The following SLC7A5 variants were observed in gnomAD, a reference collection of about 807,000 sequenced individuals.
SLC7A5 encodes solute carrier family 7 member 5.
Under a neutral mutation model 50.2 loss-of-function variants are expected in SLC7A5, and 23 were observed. The ratio of observed to expected loss-of-function variants is 0.46; its 90% CI spans 0.33 to 0.65. The LOEUF is 0.65. Ranked by LOEUF, SLC7A5 falls within the 30% of genes least tolerant of loss-of-function variation. SLC7A5 has a pLI of 0.02. For synonymous variants in SLC7A5, 393 were observed against 330.6 expected (o/e 1.19, Z -2.05); for missense variants, 578 against 684.4 (o/e 0.84, Z 1.73).
chr16:87,851,927 C>G, intron 1 of SLC7A5, 78 bp from the exon 2 acceptor site: 4 of 1,566,610 alleles, frequency 2.6e-6, no homozygotes, highest in Non-Finnish European at 3.5e-6. Flanking sequence ...GGTGACGACC[C>G]CACCCCCACC....
intron 2 of SLC7A5, among the ~76,000 whole-genome samples, chr16:87,849,434 C>T (rs1016774987): frequency 2.6e-5 from 4 of 152,208 alleles, no homozygotes; most frequent in African/African-American, 4.8e-5. Context: ...CAACAGCTAA[C>T]GGAATTATAA....
Position 87,869,430 on chromosome 16 carries a change from G to T in SLC7A5, c.-8C>A, listed in dbSNP as rs568719637. On this transcript the variant is annotated 5_prime_UTR_variant, in exon 1 of 10. Transcript: ENST00000261622. ...CGGGCCCGCACCCGCCATGCTCTGCGCACCGGCCGGGCCTGGGACACCCGG... is the reference window on the plus strand; with the variant it reads ...CGGGCCCGCACCCGCCATGCTCTGCTCACCGGCCGGGCCTGGGACACCCGG... 1.6e-5 allele frequency: 23 copies of T among 1,450,842 alleles called. No homozygotes were observed. In the East Asian group the frequency reaches 2.9e-4, roughly 18 times the overall value. 89.9% of individuals were successfully genotyped at this position (1,450,842 alleles called of 1,614,324 possible).
At position 87,852,931 on chromosome 16, in the gene SLC7A5, G is replaced by A. The variant is rs779233473; in HGVS notation, c.539-1082C>T. On this transcript the variant is annotated intron_variant, in intron 1 of 9. Coordinates refer to ENST00000261622, the MANE Select transcript of SLC7A5 (RefSeq NM_003486.7). This position sits in a 1 kb window ranked among gnomAD's most constrained non-coding sequence, Gnocchi z 4.5. ...CACTACCCTTCACTCCTCTGCTCAC[G>A]AGGTTATCTGTCGCTGTCAGCAGCT... Among the ~76,000 whole-genome samples the A allele has an allele frequency of 2.6e-5, 4 of 152,130 alleles. No individual in the cohort carries two copies. Among genetic ancestry groups the A allele is most frequent in the African/African-American group, 7.2e-5 (3 of 41,416 alleles).
chr16:87,838,974 G>T (rs1281645935), intron 5 of SLC7A5, among the ~76,000 whole-genome samples, 157 bp from the exon 6 acceptor site: 1 of 152,212 alleles, frequency 6.6e-6, no homozygotes, highest in African/African-American at 2.4e-5. Context: ...CCTCTGGGGG[G>T]ACTTCCCAGG....
chr16:87,843,347 CTTTTTTTTTTTTTTTTTTT>C lies in SLC7A5; in HGVS notation c.665-2211_665-2193del, dbSNP rs60307560. Among the ~76,000 whole-genome samples the C allele has an allele frequency of 9.9e-4, 63 of 63,322 alleles. 1 individual carries two copies. The highest frequency in any genetic ancestry group is 0.011 in the Middle Eastern group (1 of 90). The allele number at this position is 63,322 out of a possible 152,430, so 41.5% of individuals were successfully genotyped here. On this transcript the variant is annotated intron_variant, in intron 2 of 9. Coordinates refer to ENST00000261622, the MANE Select transcript of SLC7A5 (RefSeq NM_003486.7). ...ATTGGCAGCCCTAAGGCCTGAGTAA[CTTTTTTTTTTTTTTTTTTT>C]TTTTTTTTTTTTTTTTTTTTGAGAC...
Position 87,860,749 on chromosome 16 carries a change from G to C in SLC7A5, c.538+8136C>G, listed in dbSNP as rs1490541815. On this transcript the variant is annotated intron_variant, in intron 1 of 9. Transcript: ENST00000261622. This position sits in a 1 kb window ranked among gnomAD's most constrained non-coding sequence, Gnocchi z 4.8. ...ACCCCGAGGTCAGGATGACTCAGCAGGGATCGAGTTTGCGGGCGTCACGCT... is the reference window on the plus strand; with the variant it reads ...ACCCCGAGGTCAGGATGACTCAGCACGGATCGAGTTTGCGGGCGTCACGCT... Among the ~76,000 whole-genome samples, 1 of 152,234 alleles carries C rather than the reference G, an allele frequency of 6.6e-6. No homozygotes were observed. The highest frequency in any genetic ancestry group is 1.9e-4 in the East Asian group (1 of 5,190).
chr16:87,861,262 G>A lies in SLC7A5; in HGVS notation c.538+7623C>T, dbSNP rs2143824831. Among the ~76,000 whole-genome samples, 1 of 152,290 alleles carries A rather than the reference G, an allele frequency of 6.6e-6. No individual in the cohort carries two copies. Among genetic ancestry groups the A allele is most frequent in the South Asian group, 2.1e-4 (1 of 4,834 alleles). On this transcript the variant is annotated intron_variant, in intron 1 of 9. Coordinates refer to ENST00000261622, the MANE Select transcript of SLC7A5 (RefSeq NM_003486.7). The surrounding 1 kb of genome is among the most constrained non-coding windows in gnomAD (Gnocchi z 4.2). ...TGTGAGTCTGGGAAGGATGGAGAAG[G>A]GTGGAGGAGCGCAAAGGGCCCCTAG...
At chr16:87,850,074 T>A (rs1307658545) in intron 2 of SLC7A5, among the ~76,000 whole-genome samples, 1 of 152,214 alleles carries the variant, frequency 6.6e-6, no homozygotes, top group Non-Finnish European at 1.5e-5. Context: ...CAGGCCCAGG[T>A]TACCTGCTTG....
chr16:87,851,481 A>G lies in SLC7A5; in HGVS notation c.664+243T>C, dbSNP rs186099989. On this transcript the variant is annotated intron_variant, in intron 2 of 9. Coordinates refer to ENST00000261622, the MANE Select transcript of SLC7A5 (RefSeq NM_003486.7). ...GATTCACAGACATCGCAGCGTAAAA[A>G]ACAAGAAAAACTGCCAGAGCCCCTC... Among the ~76,000 whole-genome samples, 666 of 152,288 alleles carry G rather than the reference A, an allele frequency of 4.4e-3. 5 individuals are homozygous for G. The highest frequency in any genetic ancestry group is 6.8e-3 in the Middle Eastern group (2 of 294).
intron 1 of SLC7A5, among the ~76,000 whole-genome samples, chr16:87,868,071 G>A (rs563376842): frequency 2.0e-5 from 3 of 149,532 alleles, no homozygotes; most frequent in Non-Finnish European, 4.4e-5. Context: ...AGCCGAGATC[G>A]TGCCACTGTA....
At position 87,854,350 on chromosome 16, in the gene SLC7A5, A is replaced by G. The variant is rs116639166; in HGVS notation, c.539-2501T>C. On this transcript the variant is annotated intron_variant, in intron 1 of 9. Transcript: ENST00000261622. ...ACTGACTTTGGGTGATGAGTAAACA[A>G]AGGTTTCATTATTCTCCACAGTGTC... 3.6e-3 allele frequency among the ~76,000 whole-genome samples: 548 copies of G among 152,304 alleles called. 9 individuals are homozygous for G. Among genetic ancestry groups the G allele is most frequent in the African/African-American group, 0.013 (524 of 41,562 alleles).
chr16:87,852,638 CTGTGTGTGTGTGTG>C lies in SLC7A5; in HGVS notation c.539-803_539-790del, dbSNP rs61164920. ...CTGTAAGGCACCCAGCTCTGAGCCT[CTGTGTGTGTGTGTG>C]TGTGTGTGTGTGTGTGTGTGTGTGT... On this transcript the variant is annotated intron_variant, in intron 1 of 9. Coordinates refer to ENST00000261622, the MANE Select transcript of SLC7A5 (RefSeq NM_003486.7). The surrounding 1 kb of genome is among the most constrained non-coding windows in gnomAD (Gnocchi z 4.5). 5.6e-3 allele frequency among the ~76,000 whole-genome samples: 658 copies of C among 116,854 alleles called. 5 individuals carry two copies. Among genetic ancestry groups the C allele is most frequent in the Non-Finnish European group, 6.3e-3 (356 of 56,428 alleles). 76.7% of individuals were successfully genotyped at this position (116,854 alleles called of 152,430 possible).
rs2143821576 is a variant in SLC7A5 at position 87,860,386 on chromosome 16, AC to A, written c.538+8498del. On this transcript the variant is annotated intron_variant, in intron 1 of 9. Coordinates refer to ENST00000261622, the MANE Select transcript of SLC7A5 (RefSeq NM_003486.7). This position sits in a 1 kb window ranked among gnomAD's most constrained non-coding sequence, Gnocchi z 4.8. Reference sequence around the variant, plus strand: ...CACACACACACACACACACACACACACACACACACACACATATATATATAAA... The same window carrying A: ...CACACACACACACACACACACACACAACACACACACACATATATATATAAA... Among the ~76,000 whole-genome samples the A allele has an allele frequency of 1.4e-5, 2 of 147,196 alleles. No individual in the cohort carries two copies. Among genetic ancestry groups the A allele is most frequent in the African/African-American group, 2.6e-5 (1 of 38,544 alleles).
At chr16:87,845,161 G>A (rs1396357614) in intron 2 of SLC7A5, among the ~76,000 whole-genome samples, 2 of 146,270 alleles carry the variant, frequency 1.4e-5, no homozygotes, top group African/African-American at 5.4e-5. Context: ...CCACACATGA[G>A]GGGCCAACCG....
intron 2 of SLC7A5, among the ~76,000 whole-genome samples, chr16:87,851,302 G>A (rs541171074): frequency 2.6e-5 from 4 of 152,256 alleles, no homozygotes; most frequent in African/African-American, 7.2e-5. Context: ...TGGCCCCGTC[G>A]GGGGTGGGTG....
chr16:87,853,485 C>G lies in SLC7A5; in HGVS notation c.539-1636G>C, dbSNP rs560408843. ...CCTCACCCAAACTGAAGAGGTGATTCTTCACCTCTTCCCAGGGCTCCCAGG... is the reference window on the plus strand; with the variant it reads ...CCTCACCCAAACTGAAGAGGTGATTGTTCACCTCTTCCCAGGGCTCCCAGG... On this transcript the variant is annotated intron_variant, in intron 1 of 9. Coordinates refer to ENST00000261622, the MANE Select transcript of SLC7A5 (RefSeq NM_003486.7). The surrounding 1 kb of genome is among the most constrained non-coding windows in gnomAD (Gnocchi z 4.4). Among the ~76,000 whole-genome samples, 29 of 152,268 alleles carry G rather than the reference C, an allele frequency of 1.9e-4. No individual in the cohort carries two copies. The highest frequency in any genetic ancestry group is 6.7e-4 in the African/African-American group (28 of 41,550).
In SLC7A5 at chr16:87,852,533, C is replaced by T. The variant is rs1597507336; in HGVS notation, c.539-684G>A. 6.6e-6 allele frequency among the ~76,000 whole-genome samples: 1 copy of T among 152,106 alleles called. No homozygotes were observed. The highest frequency in any genetic ancestry group is 2.4e-5 in the African/African-American group (1 of 41,420). ...AGTGACCCCACACAGATGGCCAGAA[C>T]GCCTGCCCCAGGAGGCGCTGAGATG... On this transcript the variant is annotated intron_variant, in intron 1 of 9. Transcript: ENST00000261622. The surrounding 1 kb of genome is among the most constrained non-coding windows in gnomAD (Gnocchi z 4.5).
Position 87,869,331 on chromosome 16 carries a change from C to G in SLC7A5, c.92G>C (p.Ser31Thr). Reference sequence around the variant, plus strand: ...GCCTGCCGGCGCCGAGCCGTCCGCGCTCTTGGCGGCCAGCATCTTCTCCCG... The same window carrying G: ...GCCTGCCGGCGCCGAGCCGTCCGCGGTCTTGGCGGCCAGCATCTTCTCCCG... ...EAREKMLAAK[S>T]ADGSAPAGEG... is the part of the protein sequence containing the mutation. Residue 31 changes from serine to threonine, a missense_variant, in exon 1 of 10, where the codon AGC becomes ACC. Ser to Thr is a moderately conservative substitution (Grantham distance 58, BLOSUM62 1). Around this residue, in one of 2 missense-constraint regions of SLC7A5, gnomAD observed 113 missense variants for 89.8 expected, o/e 1.26. Coordinates refer to ENST00000261622, the MANE Select transcript of SLC7A5 (RefSeq NM_003486.7). 6.2e-7 allele frequency: 1 copy of G among 1,610,066 alleles called. No homozygotes were observed. Among genetic ancestry groups the G allele is most frequent in the South Asian group, 1.1e-5 (1 of 90,904 alleles).
intron 2 of SLC7A5, among the ~76,000 whole-genome samples, chr16:87,850,528 C>G (rs865891819): frequency 2.0e-5 from 3 of 152,370 alleles, no homozygotes; most frequent in Middle Eastern, 6.8e-3. Context: ...GGTGCCTGCA[C>G]TCAGCGAAAG....
Sources: allele counts gnomAD v4.1 joint callset (sites outside exome capture counted in the v4.1 genomes callset), GRCh38; gene constraint gnomAD v4.1.1; regional missense constraint gnomAD v4.1.1; non-coding constraint Gnocchi (gnomAD v3.1); transcripts MANE v1.5; gene names NCBI Gene and HGNC (gene_info 2026-07-23, HGNC 2026-07-21).